Variants in CSMD3 observed in about 807,000 individuals in gnomAD.
CSMD3 encodes the protein CUB and sushi domain-containing protein 3.
Under a neutral mutation model 435.2 loss-of-function variants are expected in CSMD3, and 177 were observed. The ratio of observed to expected loss-of-function variants is 0.41; its 90% CI spans 0.36 to 0.46. The LOEUF (loss-of-function observed/expected upper bound fraction) is 0.46. CSMD3 is among the 20% of genes least tolerant of loss of function. The pLI, the probability that CSMD3 is intolerant of heterozygous loss-of-function variation, is 0.34. For synonymous variants in CSMD3, 1,656 were observed against 1,520.5 expected (o/e 1.09, Z -2.07); for missense variants, 4,265 against 4,504.6 (o/e 0.95, Z 1.52).
intron 5 of CSMD3, among the ~76,000 whole-genome samples, chr8:113,071,132 T>C (rs1270135118): frequency 6.6e-6 from 1 of 152,030 alleles, no homozygotes; most frequent in Non-Finnish European, 1.5e-5. Context: ...GGGAAATATC[T>C]GTTCAAGCGT....
chr8:112,246,971 A>C, intron 64 of CSMD3, 49 bp downstream of exon 64: 1 of 1,286,940 alleles, frequency 7.8e-7, no homozygotes, highest in Non-Finnish European at 1.1e-6. Flanking sequence ...GAAAAAATGC[A>C]TATAAATTCT....
At chr8:113,074,189 ACG>A (rs148095788) in intron 5 of CSMD3, among the ~76,000 whole-genome samples, 26 of 146,152 alleles carry the variant, frequency 1.8e-4, no homozygotes, top group South Asian at 1.1e-3. Context: ...ACACACACAC[ACG>A]CCACCTTGCT....
chr8:112,553,117 A>G (rs1423369649), intron 25 of CSMD3, among the ~76,000 whole-genome samples: 2 of 152,046 alleles, frequency 1.3e-5, no homozygotes, highest in Non-Finnish European at 2.9e-5. Context: ...TTTGAGAAAA[A>G]CTAATCTTTA....
intron 5 of CSMD3, among the ~76,000 whole-genome samples, chr8:113,086,654 A>G (rs979258785): frequency 6.6e-6 from 1 of 152,144 alleles, no homozygotes; most frequent in Non-Finnish European, 1.5e-5. Context: ...AACAGTGCTG[A>G]GTTTGGCTTT....
chr8:113,171,355 A>C (rs774798129), intron 4 of CSMD3, among the ~76,000 whole-genome samples: 1 of 152,124 alleles, frequency 6.6e-6, no homozygotes, highest in Non-Finnish European at 1.5e-5. Flanking sequence ...AGTATTCAGA[A>C]TAAGGCCTTT....
chr8:113,240,688 G>T (rs563836093), intron 3 of CSMD3, among the ~76,000 whole-genome samples: 1 of 152,156 alleles, frequency 6.6e-6, no homozygotes, highest in South Asian at 2.1e-4. Flanking sequence ...TTGAATATCT[G>T]TATCAAATGT....
intron 16 of CSMD3, among the ~76,000 whole-genome samples, chr8:112,679,456 AC>A (rs1261056613): frequency 1.3e-5 from 2 of 152,152 alleles, no homozygotes; most frequent in African/African-American, 4.8e-5. Context: ...GTGTCATTTC[AC>A]TCACACATAG....
At chr8:112,308,091 G>GT (rs1821615060) in intron 50 of CSMD3, among the ~76,000 whole-genome samples, 1 of 152,112 alleles carries the variant, frequency 6.6e-6, no homozygotes, top group Non-Finnish European at 1.5e-5. Flanking sequence ...CAGAAAAGCT[G>GT]TAACACTGAC....
intron 1 of CSMD3, among the ~76,000 whole-genome samples, chr8:113,387,876 C>T (rs2094445933): frequency 6.6e-6 from 1 of 151,666 alleles, no homozygotes; most frequent in South Asian, 2.1e-4. Context: ...CTCATGTTAT[C>T]CCCACATCTC....
At chr8:112,409,234 T>A (rs563033364) in intron 32 of CSMD3, among the ~76,000 whole-genome samples, 1 of 152,168 alleles carries the variant, frequency 6.6e-6, no homozygotes, top group South Asian at 2.1e-4. Context: ...GAAGTGACCA[T>A]GACCTAAAGC....
At chr8:113,397,399 G>T (rs1049289913) in intron 1 of CSMD3, among the ~76,000 whole-genome samples, 1 of 152,018 alleles carries the variant, frequency 6.6e-6, no homozygotes, top group Admixed American at 6.6e-5. Flanking sequence ...TTAATTTATA[G>T]GAATTCCTTC....
At chr8:112,945,613 T>TGTGC (rs2130787502) in intron 9 of CSMD3, among the ~76,000 whole-genome samples, 2 of 151,270 alleles carry the variant, frequency 1.3e-5, no homozygotes, top group East Asian at 3.9e-4. Context: ...TGTGTGTGTG[T>TGTGC]GTGTGTGTGT....
chr8:112,405,501 T>C (rs1216960100), intron 35 of CSMD3, among the ~76,000 whole-genome samples: 1 of 151,290 alleles, frequency 6.6e-6, no homozygotes, highest in African/African-American at 2.4e-5. Flanking sequence ...GTCATTATAA[T>C]TACCCTGAAA....
chr8:112,522,104 A>T (rs1336737774), intron 27 of CSMD3, among the ~76,000 whole-genome samples: 1 of 151,830 alleles, frequency 6.6e-6, no homozygotes, highest in African/African-American at 2.4e-5. Context: ...GGTTGTTATA[A>T]TAAATTAGAA....
At chr8:112,278,078 AGCC>A (rs1198947863) in intron 59 of CSMD3, among the ~76,000 whole-genome samples, 1 of 152,190 alleles carries the variant, frequency 6.6e-6, no homozygotes, top group Non-Finnish European at 1.5e-5. Context: ...GGACATCTTC[AGCC>A]TTGTGGCATA....
intron 9 of CSMD3, among the ~76,000 whole-genome samples, chr8:112,942,247 A>T (rs1036030939): frequency 3.3e-5 from 5 of 151,542 alleles, no homozygotes; most frequent in African/African-American, 1.2e-4. Flanking sequence ...AAAAAAAAAA[A>T]AAAAACTGTC....
chr8:113,112,344 A>G (rs1247180030), intron 4 of CSMD3, among the ~76,000 whole-genome samples: 2 of 141,996 alleles, frequency 1.4e-5, no homozygotes, highest in African/African-American at 5.3e-5. Flanking sequence ...CTGCAACCAG[A>G]CCTCTCAGAA....
At chr8:112,626,059 C>T (rs556247569) in intron 22 of CSMD3, among the ~76,000 whole-genome samples, 3 of 151,958 alleles carry the variant, frequency 2.0e-5, no homozygotes, top group Admixed American at 6.6e-5. Context: ...TACTTTATCC[C>T]GCAGTGAAGG....
At chr8:112,882,027 G>A (rs933664201) in intron 10 of CSMD3, among the ~76,000 whole-genome samples, 7 of 151,748 alleles carry the variant, frequency 4.6e-5, no homozygotes, top group Admixed American at 3.3e-4. Flanking sequence ...CTGGGAGACT[G>A]GTAGGTAGAA....
Sources: gnomAD v4.1 joint callset for allele counts (sites outside exome capture counted in the v4.1 genomes callset) on GRCh38, gnomAD v4.1.1 for gene constraint, MANE v1.5 for transcripts, NCBI Gene and HGNC (gene_info 2026-07-23, HGNC 2026-07-21) for gene names.